The following ATP8A2 variants were observed in gnomAD, a reference collection of about 807,000 sequenced individuals.
The protein encoded by ATP8A2 is ATPase phospholipid transporting 8A2, also known as phospholipid-transporting ATPase IB.
ATP8A2 carries 100 observed loss-of-function variants against 165.6 expected under a neutral mutation model. The ratio of observed to expected loss-of-function variants is 0.60; its 90% CI spans 0.51 to 0.71. ATP8A2 has a LOEUF of 0.71. ATP8A2 is among the 30% of genes least tolerant of loss of function. The pLI is 0.00. For synonymous variants in ATP8A2, 543 were observed against 548.8 expected (o/e 0.99, Z 0.15); for missense variants, 1,227 against 1,479.5 (o/e 0.83, Z 2.80).
Position 25,837,957 on chromosome 13 carries a change from C to T in ATP8A2, c.2877+672C>T, listed in dbSNP as rs993810175. 6.6e-5 allele frequency among the ~76,000 whole-genome samples: 10 copies of T among 152,162 alleles called. No homozygotes were observed. The East Asian group carries it at 1.2e-3, about 18-fold the overall frequency. On this transcript the variant is annotated intron_variant, in intron 29 of 36. Coordinates refer to ENST00000381655, the MANE Select transcript of ATP8A2 (RefSeq NM_016529.6). ...GGGTCTGCCACACAGATGTCATTTG[C>T]GGCTGAATGTGGCAGAGTGCTTGGG... is the stretch of plus-strand genomic sequence containing the variant.
chr13:25,701,457 C>T (rs2042949546), intron 25 of ATP8A2, among the ~76,000 whole-genome samples: 1 of 152,178 alleles, frequency 6.6e-6, no homozygotes, highest in Non-Finnish European at 1.5e-5. Flanking sequence ...TGCTCTACCT[C>T]AGAGCCGTGA....
chr13:25,531,964 A>G (rs2038127907), intron 4 of ATP8A2, among the ~76,000 whole-genome samples: 1 of 152,228 alleles, frequency 6.6e-6, no homozygotes, highest in African/African-American at 2.4e-5. Context: ...CAATAAAATG[A>G]AGTTGGCTGT....
Position 25,580,034 on chromosome 13 carries a change from A to G in ATP8A2, c.2007+87A>G, listed in dbSNP as rs568878658. On this transcript the variant is annotated intron_variant, in intron 22 of 36. Coordinates refer to ENST00000381655, the MANE Select transcript of ATP8A2 (RefSeq NM_016529.6). ...GTATTTGAACAGGAATCCTTTTACT[A>G]TGTAGGGATGTTCTCTTTTCTTGTG... 5.5e-5 allele frequency: 79 copies of G among 1,432,456 alleles called. No individual in the cohort carries two copies. The South Asian group carries it at 6.2e-4, about 11-fold the overall frequency. 88.7% of individuals were successfully genotyped at this position (1,432,456 alleles called of 1,614,324 possible).
intron 1 of ATP8A2, among the ~76,000 whole-genome samples, chr13:25,391,668 A>G (rs923301060): frequency 5.9e-5 from 9 of 152,238 alleles, no homozygotes; most frequent in Non-Finnish European, 1.2e-4. Context: ...AAGTACAAAA[A>G]ATAGCTAAAG....
chr13:25,609,592 A>AATATATATATATATATTTGGGTTCAAAT (rs1210838785), intron 24 of ATP8A2, among the ~76,000 whole-genome samples: 1 of 145,444 alleles, frequency 6.9e-6, no homozygotes, highest in Non-Finnish European at 1.5e-5. Context: ...TTTGGGTTCA[A>AATATATATATATATATTTGGGTTCAAAT]ATATATATAT....
intron 2 of ATP8A2, among the ~76,000 whole-genome samples, chr13:25,512,215 A>T (rs9578879): frequency 0.056 from 8,443 of 151,240 alleles, 301 homozygotes; most frequent in South Asian, 0.13. Flanking sequence ...AGGTCACAGA[A>T]CAACAGGATC....
rs769351213 is a variant in ATP8A2, at chr13:25,530,572, A to G, written c.332A>G (p.Asp111Gly). ...LFIALLQQIP[D>G]VSPTGRYTTL... The stretch of plus-strand genomic sequence containing the variant: ...TCTCTTATCTTCCAGCAAATTCCAG[A>G]TGTATCTCCAACAGGAAGATATACC... The change falls in exon 4 of 37, where the codon GAT becomes GGT. Residue 111 changes from aspartate to glycine, a missense_variant. Transcript: ENST00000381655. The G allele has an allele frequency of 6.4e-7, 1 of 1,574,776 alleles. No homozygotes were observed. Among genetic ancestry groups the G allele is most frequent in the Admixed American group, 1.8e-5 (1 of 56,454 alleles).
Position 25,551,461 on chromosome 13 carries a change from A to G in ATP8A2, c.1015A>G (p.Asn339Asp). The change falls in exon 11 of 37, where the codon AAC becomes GAC. Residue 339 changes from asparagine (N) to aspartate (D), a missense_variant. Coordinates refer to ENST00000381655, the MANE Select transcript of ATP8A2 (RefSeq NM_016529.6). ...LVSSAGALYW[N>D]RSHGEKNWYI... The stretch of plus-strand genomic sequence containing the variant: ...GAGCTCGGCGGGGGCCCTGTACTGG[A>G]ACAGGTCTCATGGTGAAAAGAACTG... 1.9e-6 allele frequency: 3 copies of G among 1,613,642 alleles called. No individual in the cohort carries two copies. Among genetic ancestry groups the G allele is most frequent in the Non-Finnish European group, 2.5e-6 (3 of 1,179,686 alleles).
At chr13:25,767,244 T>C (rs2044511076) in intron 25 of ATP8A2, among the ~76,000 whole-genome samples, 1 of 152,240 alleles carries the variant, frequency 6.6e-6, no homozygotes, top group African/African-American at 2.4e-5. Context: ...TTAATATCCC[T>C]TCATGTTAAA....
intron 1 of ATP8A2, among the ~76,000 whole-genome samples, chr13:25,450,515 T>C (rs929098549): frequency 1.4e-5 from 2 of 146,262 alleles, no homozygotes; most frequent in African/African-American, 5.0e-5. Flanking sequence ...CCAAGAGCCA[T>C]TCTGACTGGT....
intron 16 of ATP8A2, among the ~76,000 whole-genome samples, chr13:25,566,548 A>T (rs1258558383): frequency 3.3e-5 from 5 of 152,182 alleles, no homozygotes; most frequent in African/African-American, 1.2e-4. Context: ...TGGCAGGGTG[A>T]CATAGGAGCT....
At chr13:25,407,943 AG>A (rs1478489099) in intron 1 of ATP8A2, among the ~76,000 whole-genome samples, 12 of 152,216 alleles carry the variant, frequency 7.9e-5, no homozygotes, top group African/African-American at 2.4e-4. Flanking sequence ...GGACAGCATT[AG>A]GACAAATACA....
At chr13:25,506,072 C>T (rs183033949) in intron 2 of ATP8A2, among the ~76,000 whole-genome samples, 168 of 152,284 alleles carry the variant, frequency 1.1e-3, no homozygotes, top group African/African-American at 3.9e-3. Context: ...TTGGATCTAA[C>T]AAGTGTTTGG....
At chr13:25,837,848 A>T (rs998564021) in intron 29 of ATP8A2, among the ~76,000 whole-genome samples, 2 of 152,316 alleles carry the variant, frequency 1.3e-5, no homozygotes, top group Admixed American at 6.5e-5. Flanking sequence ...AAAATAAAAA[A>T]AAGAAAGATA....
chr13:25,947,542 G>C (rs1414898609), intron 33 of ATP8A2, among the ~76,000 whole-genome samples: 2 of 152,126 alleles, frequency 1.3e-5, no homozygotes, highest in Non-Finnish European at 2.9e-5. Context: ...TCAAGGCCAA[G>C]AGGGTCTCCA....
chr13:25,559,796 T>G, intron 15 of ATP8A2, 31 bp downstream of exon 15: 7 of 1,523,114 alleles, frequency 4.6e-6, no homozygotes, highest in Non-Finnish European at 6.4e-6. Flanking sequence ...CTTGACACTT[T>G]AGTGGAAAAG....
At chr13:25,707,129 C>T (rs940123803) in intron 25 of ATP8A2, among the ~76,000 whole-genome samples, 6 of 151,920 alleles carry the variant, frequency 3.9e-5, no homozygotes, top group Non-Finnish European at 7.4e-5. Flanking sequence ...AAATAGCTCA[C>T]GTGAATCATT....
intron 24 of ATP8A2, among the ~76,000 whole-genome samples, chr13:25,659,459 C>CT (rs1268093998): frequency 6.6e-6 from 1 of 152,174 alleles, no homozygotes; most frequent in Admixed American, 6.5e-5. Flanking sequence ...ATGCTCTGCC[C>CT]TTTCTCCAGT....
At chr13:25,615,429 G>A (rs924509669) in intron 24 of ATP8A2, among the ~76,000 whole-genome samples, 11 of 152,138 alleles carry the variant, frequency 7.2e-5, no homozygotes, top group Non-Finnish European at 1.6e-4. Context: ...TCCAGGCAGT[G>A]GGTGAGCAGG....
Sources: gnomAD v4.1 joint callset for allele counts (sites outside exome capture counted in the v4.1 genomes callset) on GRCh38, gnomAD v4.1.1 for gene constraint, MANE v1.5 for transcripts, NCBI Gene and HGNC (gene_info 2026-07-23, HGNC 2026-07-21) for gene names.